The following PCDH11Y variants were observed in gnomAD, a reference collection of about 807,000 sequenced individuals.
PCDH11Y encodes protocadherin-11 Y-linked.
For synonymous variants in PCDH11Y, 9 were observed against 83.6 expected (o/e 0.11, Z 4.87); for missense variants, 12 against 224.8 (o/e 0.05, Z 6.05).
At chrY:5,255,749 C>A in intron 2 of PCDH11Y, among the ~76,000 whole-genome samples, 1 of 33,312 alleles carries the variant, frequency 3.0e-5, no homozygotes, top group African/African-American at 1.2e-4. Context: ...ATTGGGGTGA[C>A]ATTATATCTC....
chrY:5,331,789 A>C, intron 2 of PCDH11Y, among the ~76,000 whole-genome samples: 1 of 33,650 alleles, frequency 3.0e-5, no homozygotes, highest in African/African-American at 1.2e-4. Context: ...CACCCTGGGC[A>C]TATTTTCAGG....
chrY:5,738,136 T>A, exon 5 of PCDH11Y: 1 of 151,889 alleles, frequency 6.6e-6, no homozygotes, highest in African/African-American at 9.0e-5. Flanking sequence ...TCAGAATGTG[T>A]ATTTAAAAAG....
chrY:5,678,565 G>C (rs2124709252), intron 4 of PCDH11Y, among the ~76,000 whole-genome samples: 11 of 33,232 alleles, frequency 3.3e-4, no homozygotes, highest in Non-Finnish European at 6.7e-4. Flanking sequence ...TAGAGCAAAG[G>C]AAGAGCAAGA....
At chrY:5,689,441 T>C in intron 4 of PCDH11Y, among the ~76,000 whole-genome samples, 5 of 33,400 alleles carry the variant, frequency 1.5e-4, no homozygotes, top group Non-Finnish European at 3.0e-4. Flanking sequence ...AGTTATATTT[T>C]TAATGTGCGT....
chrY:5,384,505 C>G, intron 2 of PCDH11Y, among the ~76,000 whole-genome samples: 2 of 30,123 alleles, frequency 6.6e-5, no homozygotes, highest in African/African-American at 2.6e-4. Flanking sequence ...GAATAAAAAA[C>G]ACAAGTGTCT....
chrY:5,035,897 T>G, intron 3 of PCDH11Y, among the ~76,000 whole-genome samples: 1 of 29,523 alleles, frequency 3.4e-5, no homozygotes, highest in Non-Finnish European at 8.1e-5. Context: ...CTAAATTACA[T>G]GAAAAAAAAT....
At chrY:5,231,391 G>C in intron 2 of PCDH11Y, among the ~76,000 whole-genome samples, 1 of 33,428 alleles carries the variant, frequency 3.0e-5, no homozygotes, top group African/African-American at 1.2e-4. Flanking sequence ...TCTTGCAGAC[G>C]CATAGTGGTG....
At position 5,627,001 on chromosome Y, in the gene PCDH11Y, A is replaced by AT. The variant is rs1192730732; in HGVS notation, c.3352+45213dup. On this transcript the variant is annotated intron_variant, in intron 4 of 4. Transcript: ENST00000400457. ...AATATTAATATTGAACCACAGGAAC[A>AT]TTTTTTTTTTAACAGAGTCCTCACT... 7.0e-4 allele frequency among the ~76,000 whole-genome samples: 21 copies of AT among 30,055 alleles called. No homozygotes were observed. In the South Asian group the frequency reaches 0.013, roughly 18 times the overall value. 80.6% of individuals were successfully genotyped at this position (30,055 alleles called of 37,273 possible).
chrY:5,306,179 C>T, intron 2 of PCDH11Y, among the ~76,000 whole-genome samples: 5 of 31,695 alleles, frequency 1.6e-4, no homozygotes, highest in African/African-American at 4.9e-4. Context: ...ATGAAATGCA[C>T]ATGGACACAT....
At chrY:5,182,888 G>T in intron 2 of PCDH11Y, among the ~76,000 whole-genome samples, 1 of 33,958 alleles carries the variant, frequency 2.9e-5, no homozygotes, top group African/African-American at 1.1e-4. Context: ...GGCTAGCTGG[G>T]ATTCCAAGCC....
chrY:5,578,071 C>T (rs2053447901), intron 3 of PCDH11Y, among the ~76,000 whole-genome samples: 1 of 32,814 alleles, frequency 3.0e-5, no homozygotes, highest in Non-Finnish European at 7.5e-5. Flanking sequence ...TTCTTTATAG[C>T]AGCATGAGAA....
At chrY:5,464,937 C>A (rs371059523) in intron 2 of PCDH11Y, among the ~76,000 whole-genome samples, 27 of 33,352 alleles carry the variant, frequency 8.1e-4, no homozygotes, top group South Asian at 2.1e-3. Flanking sequence ...AAATTGCAGA[C>A]CTGTGACCAT....
At chrY:5,046,979 G>A (rs2052643734) in intron 3 of PCDH11Y, among the ~76,000 whole-genome samples, 41 of 33,777 alleles carry the variant, frequency 1.2e-3, no homozygotes, top group Admixed American at 2.9e-3. Context: ...CCTCGCGCAC[G>A]GTGCGCGCAC....
intron 4 of PCDH11Y, among the ~76,000 whole-genome samples, chrY:5,654,718 G>A (rs2124706590): frequency 2.8e-4 from 9 of 32,391 alleles, no homozygotes; most frequent in African/African-American, 1.1e-3. Context: ...AACAGACACC[G>A]GGGCATATGG....
chrY:5,435,922 T>A, intron 2 of PCDH11Y, among the ~76,000 whole-genome samples: 1 of 32,447 alleles, frequency 3.1e-5, no homozygotes, highest in Non-Finnish European at 7.6e-5. Context: ...TGTTTTTAAG[T>A]TTTTTTTCTG....
intron 2 of PCDH11Y, among the ~76,000 whole-genome samples, chrY:5,382,961 G>A (rs1364539461): frequency 9.1e-5 from 3 of 32,890 alleles, no homozygotes; most frequent in Admixed American, 2.8e-4. Context: ...CAGCACTTTG[G>A]GGGGCTGAGG....
rs1602899402 is a variant in PCDH11Y, at chrY:5,285,806, C to A, written c.3129+185099C>A. 2.7e-4 allele frequency among the ~76,000 whole-genome samples: 9 copies of A among 33,508 alleles called. No homozygotes were observed. The East Asian group carries it at 7.2e-3, about 27-fold the overall frequency. 89.9% of individuals were successfully genotyped at this position (33,508 alleles called of 37,273 possible). Reference sequence around the variant, plus strand: ...TACTTTGTAGATTCTGGATATAAGACCTTTGTCAGATGCATACTTTGAAAA... The same window carrying A: ...TACTTTGTAGATTCTGGATATAAGAACTTTGTCAGATGCATACTTTGAAAA... On this transcript the variant is annotated intron_variant, in intron 2 of 4. Coordinates refer to the PCDH11Y transcript ENST00000400457.
At chrY:5,660,207 G>A in intron 4 of PCDH11Y, among the ~76,000 whole-genome samples, 1 of 30,366 alleles carries the variant, frequency 3.3e-5, no homozygotes, top group Non-Finnish European at 7.8e-5. Flanking sequence ...TTATTGTTGC[G>A]AGCTGCACTG....
chrY:5,258,213 C>G, intron 2 of PCDH11Y, among the ~76,000 whole-genome samples: 1 of 30,326 alleles, frequency 3.3e-5, no homozygotes, highest in South Asian at 7.5e-4. Context: ...CTCAGTTTGC[C>G]TAAAAGTTTG....
Sources: gnomAD v4.1 joint callset for allele counts (sites outside exome capture counted in the v4.1 genomes callset) on GRCh38, gnomAD v4.1.1 for gene constraint, MANE v1.5 for transcripts, NCBI Gene and HGNC (gene_info 2026-07-23, HGNC 2026-07-21) for gene names.